The following SGMS1 variants were observed in gnomAD, a reference collection of about 807,000 sequenced individuals.
SGMS1 encodes phosphatidylcholine:ceramide cholinephosphotransferase 1.
A neutral mutation model predicts 46.2 loss-of-function variants in SGMS1; 13 were observed. The observed-to-expected ratio is 0.28, with a 90% CI of 0.18 to 0.45. The LOEUF is 0.45. Among genes scored for constraint, SGMS1 ranks in the 20% least tolerant of loss-of-function variants. SGMS1 has a pLI of 1.00. For missense variants in SGMS1, 324 were observed against 519.9 expected, an observed-to-expected ratio of 0.62 and a Z score of 3.66; for synonymous variants, 203 against 187.8, an observed-to-expected ratio of 1.08 and a Z score of -0.66.
chr10:50,364,303 G>C (rs2574959), intron 6 of SGMS1, among the ~76,000 whole-genome samples: 86,276 of 152,028 alleles, frequency 0.57, 24,737 homozygotes, highest in Admixed American at 0.64. Flanking sequence ...ACATGAGTTG[G>C]CAGACTGAAA....
At chr10:50,570,147 G>A (rs772385443) in intron 2 of SGMS1, among the ~76,000 whole-genome samples, 1 of 152,118 alleles carries the variant, frequency 6.6e-6, no homozygotes, top group South Asian at 2.1e-4. Context: ...GCAAAATGCT[G>A]GAAAAATAGA....
intron 8 of SGMS1, among the ~76,000 whole-genome samples, chr10:50,326,209 G>C (rs967275167): frequency 6.6e-6 from 1 of 151,888 alleles, no homozygotes; most frequent in Non-Finnish European, 1.5e-5. Context: ...AGTAAGAAAT[G>C]AGCTATCTCT....
At chr10:50,495,238 CAAAAAAAAAAAAAAAAAAGTTAAGA>C (rs1837604615) in intron 3 of SGMS1, among the ~76,000 whole-genome samples, 1 of 75,910 alleles carries the variant, frequency 1.3e-5, no homozygotes, top group Admixed American at 1.9e-4. Context: ...GATTCCGTCT[CAAAAAAAAAAAAAAAAAAGTTAAGA>C]AAAAAAAAAA....
chr10:50,603,788 T>C (rs992815285), intron 1 of SGMS1, among the ~76,000 whole-genome samples: 1 of 152,254 alleles, frequency 6.6e-6, no homozygotes, highest in African/African-American at 2.4e-5. Context: ...TTTCTAATGT[T>C]ATGTATCTTT....
At chr10:50,380,155 C>T (rs1047433518) in intron 6 of SGMS1, among the ~76,000 whole-genome samples, 2 of 151,908 alleles carry the variant, frequency 1.3e-5, no homozygotes, top group Non-Finnish European at 2.9e-5. Context: ...CTGAGGTGGG[C>T]GGATCACCTG....
At chr10:50,537,105 AT>A (rs1282399499) in intron 2 of SGMS1, among the ~76,000 whole-genome samples, 1 of 152,180 alleles carries the variant, frequency 6.6e-6, no homozygotes, top group Non-Finnish European at 1.5e-5. Flanking sequence ...CTTTGGCTGA[AT>A]TTTCCCAGTC....
intron 6 of SGMS1, among the ~76,000 whole-genome samples, chr10:50,352,860 C>G (rs11005316): frequency 0.1 from 15,480 of 152,214 alleles, 953 homozygotes; most frequent in Middle Eastern, 0.2. Flanking sequence ...AATTCCCCGA[C>G]ACATACACTC....
chr10:50,436,516 A>G lies in SGMS1; in HGVS notation c.-312-2960T>C, dbSNP rs189767566. ...TGGCGGTATCACTGGAATATAAGCA[A>G]TTAGTTCAGCTGATGCACTTAAAAA... On this transcript the variant is annotated intron_variant, in intron 5 of 10. Transcript: ENST00000361781. Among the ~76,000 whole-genome samples, 178 of 152,330 alleles carry G rather than the reference A, an allele frequency of 1.2e-3. 1 individual carries two copies. Among genetic ancestry groups the G allele is most frequent in the African/African-American group, 3.7e-3 (153 of 41,574 alleles).
chr10:50,398,601 T>C (rs759503925), intron 6 of SGMS1, among the ~76,000 whole-genome samples: 4 of 152,168 alleles, frequency 2.6e-5, no homozygotes, highest in African/African-American at 7.2e-5. Context: ...GTTTTTGCTA[T>C]ATTTTGGTAG....
chr10:50,597,215 C>A (rs148037355), intron 1 of SGMS1, among the ~76,000 whole-genome samples: 389 of 152,284 alleles, frequency 2.6e-3, no homozygotes, highest in Non-Finnish European at 3.7e-3. Context: ...CAAACAAACA[C>A]ATGAAAAGAT....
intron 2 of SGMS1, among the ~76,000 whole-genome samples, chr10:50,575,902 T>C (rs1437268008): frequency 2.0e-5 from 3 of 152,130 alleles, no homozygotes; most frequent in African/African-American, 7.2e-5. Flanking sequence ...AGTATAACTG[T>C]TCATGTTAAC....
At chr10:50,498,694 T>G (rs1413955260) in intron 3 of SGMS1, among the ~76,000 whole-genome samples, 2 of 152,200 alleles carry the variant, frequency 1.3e-5, no homozygotes, top group African/African-American at 4.8e-5. Context: ...CATCCTATTT[T>G]GTTTACCCAT....
chr10:50,406,651 C>G (rs535639254), intron 6 of SGMS1, among the ~76,000 whole-genome samples: 16 of 151,372 alleles, frequency 1.1e-4, no homozygotes, highest in African/African-American at 3.9e-4. Flanking sequence ...GTTCTGTTTA[C>G]TTTTTATTAG....
intron 2 of SGMS1, among the ~76,000 whole-genome samples, chr10:50,572,173 C>T (rs1838342031): frequency 6.6e-6 from 1 of 152,140 alleles, no homozygotes; most frequent in Non-Finnish European, 1.5e-5. Flanking sequence ...GGTTGTGTCC[C>T]TTCTTCTAGG....
At chr10:50,363,361 A>C (rs752882659) in intron 6 of SGMS1, among the ~76,000 whole-genome samples, 5 of 152,242 alleles carry the variant, frequency 3.3e-5, no homozygotes, top group Non-Finnish European at 7.3e-5. Flanking sequence ...TCTGATTTAC[A>C]TAACACTAAA....
intron 6 of SGMS1, among the ~76,000 whole-genome samples, chr10:50,415,528 T>G (rs751598147): frequency 4.5e-4 from 68 of 152,224 alleles, no homozygotes; most frequent in Non-Finnish European, 2.6e-4. Flanking sequence ...GGATTTAGAG[T>G]GGCTTAAGGA....
chr10:50,350,465 A>G (rs144332875), intron 6 of SGMS1, among the ~76,000 whole-genome samples: 1,821 of 152,314 alleles, frequency 0.012, 33 homozygotes, highest in African/African-American at 0.041. Context: ...GTTAATCCCC[A>G]GGACAATGGG....
At chr10:50,608,250 C>A (rs191915293) in intron 1 of SGMS1, among the ~76,000 whole-genome samples, 1 of 151,980 alleles carries the variant, frequency 6.6e-6, no homozygotes, top group African/African-American at 2.4e-5. Context: ...GAGATATACA[C>A]CAAAATGATA....
At chr10:50,497,189 TAGCCTTGAC>T (rs1364961824) in intron 3 of SGMS1, among the ~76,000 whole-genome samples, 1 of 152,150 alleles carries the variant, frequency 6.6e-6, no homozygotes, top group East Asian at 1.9e-4. Flanking sequence ...CACAATAGGG[TAGCCTTGAC>T]AGATGATCCT....
Sources: gnomAD v4.1 joint callset for allele counts (sites outside exome capture counted in the v4.1 genomes callset) on GRCh38, gnomAD v4.1.1 for gene constraint, MANE v1.5 for transcripts, NCBI Gene and HGNC (gene_info 2026-07-23, HGNC 2026-07-21) for gene names.